The following ROBO1 variants were observed in gnomAD, a reference collection of about 807,000 sequenced individuals.
ROBO1 encodes roundabout homolog 1.
ROBO1 carries 149 observed loss-of-function variants against 195.9 expected under a neutral mutation model. That is an observed-to-expected ratio of 0.76 (90% CI 0.67 to 0.87). The LOEUF is 0.87. ROBO1 is among the 40% of genes least tolerant of loss of function. ROBO1 has a pLI of 0.00. For synonymous variants in ROBO1, 816 were observed against 733.2 expected (o/e 1.11, Z -1.82); for missense variants, 1,933 against 2,068.3 (o/e 0.93, Z 1.27).
intron 4 of ROBO1, among the ~76,000 whole-genome samples, chr3:78,788,077 C>G (rs2083896870): frequency 3.3e-5 from 5 of 151,418 alleles, no homozygotes. Flanking sequence ...GTAGCTGGGA[C>G]TACAGGCGCC....
chr3:78,965,777 G>A (rs569789857), intron 3 of ROBO1, among the ~76,000 whole-genome samples: 1 of 152,128 alleles, frequency 6.6e-6, no homozygotes, highest in South Asian at 2.1e-4. Flanking sequence ...CAATTATACT[G>A]GAGCAAAAAT....
At chr3:78,753,403 T>G (rs1576090767) in intron 4 of ROBO1, among the ~76,000 whole-genome samples, 2 of 152,182 alleles carry the variant, frequency 1.3e-5, no homozygotes, top group East Asian at 3.8e-4. Flanking sequence ...TACTCCCTAG[T>G]GCTTATTCCA....
chr3:78,789,178 T>A (rs557067891), intron 4 of ROBO1, among the ~76,000 whole-genome samples: 1 of 152,258 alleles, frequency 6.6e-6, no homozygotes, highest in South Asian at 2.1e-4. Context: ...ATTCAACAAG[T>A]CATCACTGGT....
chr3:79,333,062 G>T (rs376507717), intron 2 of ROBO1, among the ~76,000 whole-genome samples: 16 of 151,852 alleles, frequency 1.1e-4, no homozygotes, highest in East Asian at 1.9e-4. Context: ...AATTAGCCAG[G>T]GGGGGTAGCA....
chr3:78,782,532 C>T (rs1309533572), intron 4 of ROBO1, among the ~76,000 whole-genome samples: 3 of 152,068 alleles, frequency 2.0e-5, no homozygotes, highest in African/African-American at 7.2e-5. Flanking sequence ...TTCCAAGCAC[C>T]TTTAGTTTCT....
intron 3 of ROBO1, among the ~76,000 whole-genome samples, chr3:79,104,112 G>A (rs72894170): frequency 0.027 from 4,168 of 151,794 alleles, 204 homozygotes; most frequent in African/African-American, 0.094. Context: ...TTTGTTGGCC[G>A]GAAGTAGGAG....
chr3:78,996,334 A>AC (rs2077364335), intron 3 of ROBO1, among the ~76,000 whole-genome samples: 1 of 149,502 alleles, frequency 6.7e-6, no homozygotes, highest in Non-Finnish European at 1.5e-5. Flanking sequence ...AAACAAAAAA[A>AC]AAAAACAAAA....
At chr3:79,021,725 A>G (rs2078107012) in intron 3 of ROBO1, among the ~76,000 whole-genome samples, 1 of 137,042 alleles carries the variant, frequency 7.3e-6, no homozygotes, top group South Asian at 2.2e-4. Context: ...CAGTGGCGCG[A>G]TCTCGGCTCA....
chr3:79,039,593 C>T (rs939026885), intron 3 of ROBO1, among the ~76,000 whole-genome samples: 18 of 151,946 alleles, frequency 1.2e-4, no homozygotes. Flanking sequence ...GTCAGGAGTT[C>T]AAGACCATCC....
chr3:79,688,786 A>G (rs1220155817), intron 1 of ROBO1, among the ~76,000 whole-genome samples: 1 of 152,080 alleles, frequency 6.6e-6, no homozygotes, highest in African/African-American at 2.4e-5. Flanking sequence ...CTAAAATTCA[A>G]TGGTTATTTC....
chr3:79,764,559 T>G (rs1434756822), intron 1 of ROBO1, among the ~76,000 whole-genome samples: 1 of 152,232 alleles, frequency 6.6e-6, no homozygotes, highest in African/African-American at 2.4e-5. Flanking sequence ...TGCCTTGCTT[T>G]TTTTCATTTA....
intron 2 of ROBO1, among the ~76,000 whole-genome samples, chr3:79,353,784 C>G (rs2035435901): frequency 1.3e-5 from 2 of 152,176 alleles, no homozygotes; most frequent in South Asian, 4.1e-4. Context: ...GTGGCTCACG[C>G]CTGTAATCCC....
chr3:79,687,462 G>T (rs561192704), intron 1 of ROBO1, among the ~76,000 whole-genome samples: 6 of 151,992 alleles, frequency 3.9e-5, no homozygotes, highest in African/African-American at 9.7e-5. Context: ...GAAATTTTTC[G>T]CAATGTACTC....
chr3:79,587,818 C>T (rs993551210), intron 2 of ROBO1, among the ~76,000 whole-genome samples: 12 of 151,586 alleles, frequency 7.9e-5, no homozygotes, highest in African/African-American at 2.9e-4. Flanking sequence ...CAATGAGTTC[C>T]TTCAGTAGAT....
chr3:79,073,300 T>G (rs2108442020), intron 3 of ROBO1, among the ~76,000 whole-genome samples: 1 of 152,104 alleles, frequency 6.6e-6, no homozygotes, highest in African/African-American at 2.4e-5. Flanking sequence ...TACATTACTT[T>G]TTCTCAGTAA....
intron 4 of ROBO1, among the ~76,000 whole-genome samples, chr3:78,868,675 G>A (rs1171091508): frequency 6.6e-6 from 1 of 152,088 alleles, no homozygotes; most frequent in Non-Finnish European, 1.5e-5. Flanking sequence ...CAGGAAAATT[G>A]AGCCTTATAT....
chr3:79,620,761 T>C (rs1944982463), intron 1 of ROBO1, among the ~76,000 whole-genome samples: 1 of 151,954 alleles, frequency 6.6e-6, no homozygotes, highest in Non-Finnish European at 1.5e-5. Flanking sequence ...TATCATCCCA[T>C]TAAAATCTAA....
chr3:79,038,284 G>A (rs2078418010), intron 3 of ROBO1, among the ~76,000 whole-genome samples: 1 of 152,170 alleles, frequency 6.6e-6, no homozygotes, highest in Non-Finnish European at 1.5e-5. Context: ...AGGAGCCTTT[G>A]AACTTATGAG....
At chr3:79,641,726 A>G (rs940819912) in intron 1 of ROBO1, among the ~76,000 whole-genome samples, 2 of 152,144 alleles carry the variant, frequency 1.3e-5, no homozygotes, top group Non-Finnish European at 2.9e-5. Flanking sequence ...AAATACAAAG[A>G]AGAGATTGAG....
Sources: allele counts gnomAD v4.1 joint callset (sites outside exome capture counted in the v4.1 genomes callset), GRCh38; gene constraint gnomAD v4.1.1; transcripts MANE v1.5; gene names NCBI Gene and HGNC (gene_info 2026-07-23, HGNC 2026-07-21).